The following ROBO2 variants were observed in gnomAD, a reference collection of about 807,000 sequenced individuals.
ROBO2 encodes the protein roundabout guidance receptor 2.
In ROBO2, 53 loss-of-function variants were observed where a neutral mutation model predicts 160.8. The observed-to-expected ratio is 0.33, with a 90% CI of 0.26 to 0.41. ROBO2 has a LOEUF of 0.41. Among genes scored for constraint, ROBO2 ranks in the 10% least tolerant of loss-of-function variants. ROBO2 has a pLI of 1.00. For missense variants in ROBO2, 1,577 were observed against 1,722.4 expected (o/e 0.92, Z 1.49); for synonymous variants, 664 against 611.7 (o/e 1.09, Z -1.26).
intron 2 of ROBO2, among the ~76,000 whole-genome samples, chr3:76,553,547 G>A (rs2083537764): frequency 6.6e-6 from 1 of 152,060 alleles, no homozygotes; most frequent in African/African-American, 2.4e-5. Context: ...ATATTAGCCA[G>A]GATTCTTGAA....
At chr3:76,585,833 T>G (rs537492634) in intron 2 of ROBO2, among the ~76,000 whole-genome samples, 4 of 152,328 alleles carry the variant, frequency 2.6e-5, no homozygotes, top group Admixed American at 1.3e-4. Context: ...AATGCCTGTG[T>G]CTGTATGTAC....
intron 2 of ROBO2, among the ~76,000 whole-genome samples, chr3:76,385,744 T>C (rs1429412159): frequency 6.6e-6 from 1 of 152,220 alleles, no homozygotes; most frequent in Non-Finnish European, 1.5e-5. Context: ...CAGAGTTTGA[T>C]CTGGATATTT....
At chr3:77,534,911 G>C (rs573727751) in intron 6 of ROBO2, among the ~76,000 whole-genome samples, 18 of 152,106 alleles carry the variant, frequency 1.2e-4, no homozygotes, top group Admixed American at 1.3e-4. Context: ...ATTGATACAC[G>C]CATATGCATA....
chr3:76,039,832 A>G (rs779490183), intron 2 of ROBO2, among the ~76,000 whole-genome samples: 3 of 152,038 alleles, frequency 2.0e-5, no homozygotes, highest in Non-Finnish European at 1.5e-5. Flanking sequence ...TGCATAGGGG[A>G]TGTAGGTGGA....
chr3:76,472,645 T>A (rs1375222927), intron 2 of ROBO2, among the ~76,000 whole-genome samples: 2 of 152,208 alleles, frequency 1.3e-5, no homozygotes, highest in Non-Finnish European at 2.9e-5. Flanking sequence ...TTTACCCACT[T>A]GAGAGAAAAA....
At chr3:77,439,617 G>C (rs999698984) in intron 2 of ROBO2, among the ~76,000 whole-genome samples, 3 of 152,104 alleles carry the variant, frequency 2.0e-5, no homozygotes, top group Non-Finnish European at 4.4e-5. Flanking sequence ...AGGGTTCCTT[G>C]TATTAATGCA....
At chr3:77,379,238 G>A (rs949812285) in intron 2 of ROBO2, among the ~76,000 whole-genome samples, 3 of 152,090 alleles carry the variant, frequency 2.0e-5, no homozygotes, top group Admixed American at 6.5e-5. Flanking sequence ...GAGCCACAAC[G>A]CCCAGCAACT....
chr3:76,770,161 C>T (rs1299512179), intron 2 of ROBO2, among the ~76,000 whole-genome samples: 1 of 151,338 alleles, frequency 6.6e-6, no homozygotes, highest in African/African-American at 2.4e-5. Context: ...AAATGTCAGG[C>T]ATAATTCGAT....
intron 2 of ROBO2, among the ~76,000 whole-genome samples, chr3:76,119,916 CCCTTCCTTCCTTCCTTCCTT>C (rs551169822): frequency 8.6e-4 from 76 of 88,176 alleles, no homozygotes; most frequent in African/African-American, 1.5e-3. Context: ...TTCCCTCCCT[CCCTTCCTTCCTTCCTTCCTT>C]CCTTCCTTCC....
At chr3:76,743,998 A>T (rs1481012711) in intron 2 of ROBO2, among the ~76,000 whole-genome samples, 6 of 152,092 alleles carry the variant, frequency 3.9e-5, no homozygotes, top group African/African-American at 1.2e-4. Flanking sequence ...ATGGAAAGGA[A>T]ATTTATTGAA....
intron 2 of ROBO2, among the ~76,000 whole-genome samples, chr3:76,462,737 G>T (rs901240174): frequency 2.0e-5 from 3 of 152,122 alleles, no homozygotes; most frequent in African/African-American, 7.2e-5. Context: ...ATGTATAAAA[G>T]TGCTATGTAT....
chr3:77,316,669 C>A, intron 2 of ROBO2: 2 of 681,168 alleles, frequency 2.9e-6, no homozygotes, highest in South Asian at 3.2e-5. Flanking sequence ...GCATCCCAGT[C>A]ATACAATATT....
chr3:76,234,240 T>G (rs758452889), intron 2 of ROBO2, among the ~76,000 whole-genome samples: 1 of 152,222 alleles, frequency 6.6e-6, no homozygotes, highest in Non-Finnish European at 1.5e-5. Flanking sequence ...TTAGGTTGAT[T>G]CTTTGCTATC....
intron 2 of ROBO2, among the ~76,000 whole-genome samples, chr3:77,426,551 T>G (rs533279585): frequency 2.2e-4 from 34 of 151,974 alleles, no homozygotes; most frequent in Non-Finnish European, 4.3e-4. Flanking sequence ...GGGGAAACCC[T>G]ATTTGAATGT....
intron 2 of ROBO2, among the ~76,000 whole-genome samples, chr3:76,860,693 C>T (rs972909093): frequency 3.3e-5 from 5 of 152,126 alleles, no homozygotes; most frequent in African/African-American, 2.4e-5. Context: ...TTTCCTCCTA[C>T]ATTTTTTAAC....
At chr3:77,343,266 A>G (rs1035358093) in intron 2 of ROBO2, among the ~76,000 whole-genome samples, 1 of 152,178 alleles carries the variant, frequency 6.6e-6, no homozygotes, top group Admixed American at 6.6e-5. Context: ...ATTGAGTTAC[A>G]TAAGCAGAAG....
chr3:76,169,947 A>G (rs2072980348), intron 2 of ROBO2, among the ~76,000 whole-genome samples: 1 of 151,984 alleles, frequency 6.6e-6, no homozygotes, highest in African/African-American at 2.4e-5. Context: ...TGCGTGGCTA[A>G]TTTTTTGTAT....
chr3:76,192,511 G>A lies in ROBO2; in HGVS notation c.109+254909G>A, dbSNP rs146667710. Among the ~76,000 whole-genome samples the A allele has an allele frequency of 3.4e-3, 493 of 142,942 alleles. 2 individuals are homozygous for A. The highest frequency in any genetic ancestry group is 0.012 in the African/African-American group (459 of 37,832). The allele number at this position is 142,942 out of a possible 152,430, so 93.8% of individuals were successfully genotyped here. A position where few individuals can be genotyped will look rare whatever the true frequency, so the allele number is the denominator to read the frequency against. On this transcript the variant is annotated intron_variant, in intron 2 of 26. Coordinates refer to the ROBO2 transcript ENST00000487694. ...TCTTCAGGAATTCTCTAAACTTTGC[G>A]TCCAACACTCCACCACACACACACA...
intron 5 of ROBO2, among the ~76,000 whole-genome samples, chr3:77,508,043 C>A (rs1172466163): frequency 1.3e-5 from 2 of 151,444 alleles, no homozygotes; most frequent in Admixed American, 1.3e-4. Context: ...CCAAAGAAAC[C>A]CTTTCTCTAT....
Sources: gnomAD v4.1 joint callset for allele counts (sites outside exome capture counted in the v4.1 genomes callset) on GRCh38, gnomAD v4.1.1 for gene constraint, MANE v1.5 for transcripts, NCBI Gene and HGNC (gene_info 2026-07-23, HGNC 2026-07-21) for gene names.